Variants in SAMD3 observed in about 807,000 individuals in gnomAD.
SAMD3 encodes the protein sterile alpha motif domain-containing protein 3.
A neutral mutation model predicts 58.5 loss-of-function variants in SAMD3; 63 were observed. The ratio of observed to expected loss-of-function variants is 1.08; its 90% CI spans 0.88 to 1.33. The LOEUF is 1.33. Among genes scored for constraint, SAMD3 ranks in the 40% most tolerant of loss-of-function variants. SAMD3 has a pLI of 0.00. For synonymous variants in SAMD3, 220 were observed against 210.3 expected (o/e 1.05, Z -0.40); for missense variants, 604 against 608.4 (o/e 0.99, Z 0.08).
intron 2 of SAMD3, among the ~76,000 whole-genome samples, chr6:130,272,495 T>C (rs183035485): frequency 6.6e-6 from 1 of 152,304 alleles, no homozygotes; most frequent in African/African-American, 2.4e-5. Context: ...CCAATACTTC[T>C]GATGTATATA....
chr6:130,346,601 C>G (rs1342036749), intron 1 of SAMD3, among the ~76,000 whole-genome samples: 2 of 152,210 alleles, frequency 1.3e-5, no homozygotes, highest in Admixed American at 6.5e-5. Context: ...CTGGGTGGAG[C>G]CCACCACAGC....
intron 2 of SAMD3, among the ~76,000 whole-genome samples, chr6:130,294,383 G>A (rs1183157572): frequency 6.6e-6 from 1 of 152,076 alleles, no homozygotes; most frequent in Non-Finnish European, 1.5e-5. Flanking sequence ...GAAAATATTT[G>A]CTTGAACACT....
At chr6:130,268,979 A>C (rs1562490349) in intron 2 of SAMD3, among the ~76,000 whole-genome samples, 1 of 151,786 alleles carries the variant, frequency 6.6e-6, no homozygotes, top group East Asian at 1.9e-4. Flanking sequence ...TCCATTTATC[A>C]TTTTTTTCCC....
intron 1 of SAMD3, among the ~76,000 whole-genome samples, chr6:130,338,591 G>A (rs1023076443): frequency 3.9e-5 from 6 of 152,296 alleles, no homozygotes; most frequent in Admixed American, 6.5e-5. Context: ...AGACCCACAG[G>A]GGCACAGCTG....
intron 8 of SAMD3, among the ~76,000 whole-genome samples, chr6:130,164,170 A>G (rs1209212116): frequency 6.6e-6 from 1 of 152,008 alleles, no homozygotes; most frequent in Non-Finnish European, 1.5e-5. Flanking sequence ...AATATTTCAC[A>G]TCAGAATGCG....
intron 5 of SAMD3, among the ~76,000 whole-genome samples, chr6:130,198,370 A>C (rs1477925012): frequency 6.6e-6 from 1 of 152,032 alleles, no homozygotes; most frequent in Non-Finnish European, 1.5e-5. Flanking sequence ...ACACCCAGCT[A>C]ATTTTTAAAA....
chr6:130,323,802 C>CGAAAA (rs1776663561), intron 1 of SAMD3, among the ~76,000 whole-genome samples: 1 of 53,544 alleles, frequency 1.9e-5, no homozygotes, highest in Non-Finnish European at 3.3e-5. Flanking sequence ...GACTCTGTCT[C>CGAAAA]AAAAAAAAAA....
At chr6:130,242,787 G>C in intron 2 of SAMD3, among the ~76,000 whole-genome samples, 1 of 152,192 alleles carries the variant, frequency 6.6e-6, no homozygotes, top group East Asian at 1.9e-4. Flanking sequence ...GTAAGATGTG[G>C]GGAAATGCAG....
chr6:130,303,584 T>G (rs919759402), intron 2 of SAMD3, among the ~76,000 whole-genome samples: 4 of 152,188 alleles, frequency 2.6e-5, no homozygotes, highest in African/African-American at 9.7e-5. Context: ...CAAAATCAAA[T>G]TTTTTCCTTT....
chr6:130,361,806 C>T (rs1481473438), intron 1 of SAMD3, among the ~76,000 whole-genome samples: 22 of 152,104 alleles, frequency 1.4e-4, no homozygotes, highest in Admixed American at 1.4e-3. Flanking sequence ...TGAGAGGCAC[C>T]CCTTCTTGGG....
At chr6:130,165,940 G>A (rs947956762) in intron 8 of SAMD3, among the ~76,000 whole-genome samples, 37 of 152,066 alleles carry the variant, frequency 2.4e-4, no homozygotes, top group Admixed American at 2.6e-4. Context: ...CCAAGGTCCC[G>A]TGCCCCATGT....
At chr6:130,252,215 A>G (rs1773761750) in intron 2 of SAMD3, among the ~76,000 whole-genome samples, 1 of 152,112 alleles carries the variant, frequency 6.6e-6, no homozygotes, top group African/African-American at 2.4e-5. Context: ...TAGCCACCCC[A>G]GCTCTCCTTG....
chr6:130,155,157 A>G (rs544351060), intron 8 of SAMD3, 132 bp from the exon 9 acceptor site: 2 of 624,058 alleles, frequency 3.2e-6, no homozygotes, highest in Admixed American at 2.9e-5. Flanking sequence ...GACATTGAGC[A>G]TAACTAATAA....
At chr6:130,273,871 TAA>T (rs1774674500) in intron 2 of SAMD3, among the ~76,000 whole-genome samples, 2 of 152,302 alleles carry the variant, frequency 1.3e-5, no homozygotes, top group East Asian at 1.9e-4. Flanking sequence ...CGAATTTTTG[TAA>T]AGTTATTCTT....
At chr6:130,209,331 T>C (rs1033093047) in intron 5 of SAMD3, among the ~76,000 whole-genome samples, 164 bp downstream of exon 5, 1 of 152,220 alleles carries the variant, frequency 6.6e-6, no homozygotes, top group African/African-American at 2.4e-5. Context: ...AATTTAATCT[T>C]CATCTTTTAC....
chr6:130,310,091 T>G (rs55983829), intron 2 of SAMD3, among the ~76,000 whole-genome samples: 2,079 of 152,290 alleles, frequency 0.014, 51 homozygotes, highest in African/African-American at 0.045. Flanking sequence ...AGAAGAATCG[T>G]GTACACTCAT....
At chr6:130,185,334 T>G (rs1329937609) in intron 5 of SAMD3, among the ~76,000 whole-genome samples, 1 of 152,074 alleles carries the variant, frequency 6.6e-6, no homozygotes, top group African/African-American at 2.4e-5. Context: ...TTTATTTTAT[T>G]ATTATTATTT....
chr6:130,219,639 C>T (rs183746076), intron 1 of SAMD3, among the ~76,000 whole-genome samples: 52 of 152,302 alleles, frequency 3.4e-4, no homozygotes, highest in African/African-American at 1.1e-3. Context: ...CCAATCTCAT[C>T]CAGGTCACTG....
chr6:130,237,726 C>T (rs4897383), intron 2 of SAMD3, among the ~76,000 whole-genome samples: 4 of 152,102 alleles, frequency 2.6e-5, no homozygotes, highest in South Asian at 2.1e-4. Context: ...TCAAACTACT[C>T]GTAAGTGTCT....
Sources: gnomAD v4.1 joint callset for allele counts (sites outside exome capture counted in the v4.1 genomes callset) on GRCh38, gnomAD v4.1.1 for gene constraint, MANE v1.5 for transcripts, NCBI Gene and HGNC (gene_info 2026-07-23, HGNC 2026-07-21) for gene names.